Variants in ABCC1 observed in about 807,000 individuals in gnomAD.
The protein encoded by ABCC1 is ATP binding cassette subfamily C member 1 (ABCC1 blood group), also known as multidrug resistance-associated protein 1.
In ABCC1, 83 loss-of-function variants were observed where a neutral mutation model predicts 172.9. The observed-to-expected ratio is 0.48, with a 90% CI of 0.40 to 0.58. The LOEUF (loss-of-function observed/expected upper bound fraction) is 0.58, where lower values mean the gene tolerates loss of function less well. ABCC1 is among the 20% of genes least tolerant of loss of function. The pLI is 0.00. For missense variants in ABCC1, 1,817 were observed against 2,002.7 expected (o/e 0.91, Z 1.77); for synonymous variants, 937 against 825.2 (o/e 1.14, Z -2.32).
chr16:16,048,500 TC>T (rs1344038995), intron 10 of ABCC1, among the ~76,000 whole-genome samples, 197 bp downstream of exon 10: 1 of 152,168 alleles, frequency 6.6e-6, no homozygotes, highest in Non-Finnish European at 1.5e-5. Context: ...AGGTTGATGT[TC>T]TCCTTGGTGG....
At chr16:16,110,385 A>G (rs2052334944) in intron 21 of ABCC1, among the ~76,000 whole-genome samples, 1 of 148,166 alleles carries the variant, frequency 6.7e-6, no homozygotes, top group Non-Finnish European at 1.5e-5. Context: ...GATGCCCAGC[A>G]CTCTTTATTT....
intron 4 of ABCC1, among the ~76,000 whole-genome samples, chr16:16,015,038 C>T (rs1274496605): frequency 2.0e-5 from 3 of 151,880 alleles, no homozygotes; most frequent in East Asian, 3.9e-4. Flanking sequence ...CTTGTCCTCG[C>T]GTTACCTTTG....
At chr16:16,060,554 ACT>A (rs1567359746) in intron 12 of ABCC1, among the ~76,000 whole-genome samples, 1 of 151,472 alleles carries the variant, frequency 6.6e-6, no homozygotes, top group Non-Finnish European at 1.5e-5. Context: ...ACTGAGTCTC[ACT>A]CTGTCACCCA....
At position 16,141,689 on chromosome 16, in the gene ABCC1, C is replaced by G. The variant is rs2046131924; in HGVS notation, c.*408C>G. ...TGCCTCGGATCTCTCCAGCCGAAGT[C>G]TGTGGACTGCAAGTCTTTGAGATGC... is the stretch of plus-strand genomic sequence containing the variant. On this transcript the variant is annotated 3_prime_UTR_variant, in exon 31 of 31. Coordinates refer to ENST00000399410, the MANE Select transcript of ABCC1 (RefSeq NM_004996.4). 5.4e-6 allele frequency: 1 copy of G among 186,178 alleles called. No homozygotes were observed. The highest frequency in any genetic ancestry group is 2.3e-5 in the African/African-American group (1 of 42,584). 11.5% of individuals were successfully genotyped at this position (186,178 alleles called of 1,614,324 possible). A position where few individuals can be genotyped will look rare whatever the true frequency, so the allele number is the denominator to read the frequency against.
intron 5 of ABCC1, among the ~76,000 whole-genome samples, chr16:16,024,809 A>G (rs972282500): frequency 5.9e-5 from 9 of 152,122 alleles, no homozygotes. Context: ...GGCACTTAAA[A>G]AGCCTTTGCA....
intron 19 of ABCC1, chr16:16,098,753 C>T (rs1257352922): frequency 1.1e-6 from 1 of 883,048 alleles, no homozygotes; most frequent in Admixed American, 2.0e-5. Context: ...GACCCTTCAG[C>T]CATTCTTGCC....
At chr16:16,033,817 T>C (rs1247388203) in intron 6 of ABCC1, among the ~76,000 whole-genome samples, 1 of 151,748 alleles carries the variant, frequency 6.6e-6, no homozygotes. Flanking sequence ...AGAGACAGAG[T>C]TTTGCCATGT....
chr16:16,106,330 T>C (rs45569435), intron 20 of ABCC1, among the ~76,000 whole-genome samples: 7 of 151,468 alleles, frequency 4.6e-5, no homozygotes, highest in Admixed American at 1.3e-4. Context: ...ATCTTTTTCA[T>C]GTTTGAAAAA....
intron 16 of ABCC1, among the ~76,000 whole-genome samples, chr16:16,081,851 C>G (rs1197684128): frequency 6.6e-6 from 1 of 151,994 alleles, no homozygotes; most frequent in East Asian, 1.9e-4. Flanking sequence ...GAAACCCCGT[C>G]TCTACTGAAA....
intron 24 of ABCC1, among the ~76,000 whole-genome samples, chr16:16,124,460 G>C (rs570731557): frequency 6.7e-5 from 10 of 148,772 alleles, no homozygotes; most frequent in Non-Finnish European, 1.3e-4. Context: ...CGGCCTATGT[G>C]TATGTATTTT....
intron 28 of ABCC1, 66 bp downstream of exon 28, chr16:16,134,574 G>C: frequency 7.7e-6 from 12 of 1,566,666 alleles, no homozygotes; most frequent in Non-Finnish European, 1.0e-5. Flanking sequence ...CACTGACAGT[G>C]GTGTATGTAT....
chr16:16,124,325 GT>G, intron 24 of ABCC1, among the ~76,000 whole-genome samples: 1 of 77,866 alleles, frequency 1.3e-5, no homozygotes. Flanking sequence ...CTGTGTGTGT[GT>G]GTGTGTGTGT....
chr16:16,009,701 C>T lies in ABCC1; in HGVS notation c.226-75C>T, dbSNP rs557901296. ...CTGGCTGGTTCTCCTATCCCTGGGG[C>T]TGAGCTGTTCGTGCAGGCCCTGGGG... is the stretch of plus-strand genomic sequence containing the variant. On this transcript the variant is annotated intron_variant, in intron 2 of 30. Transcript: ENST00000399410. The T allele has an allele frequency of 5.0e-5, 72 of 1,450,732 alleles. No homozygotes were observed. In the African/African-American group the frequency reaches 8.4e-4, roughly 17 times the overall value. The allele number at this position is 1,450,732 out of a possible 1,614,324, so 89.9% of individuals were successfully genotyped here.
chr16:15,952,771 T>G (rs1345523972), intron 1 of ABCC1, among the ~76,000 whole-genome samples: 2 of 135,708 alleles, frequency 1.5e-5, no homozygotes, highest in East Asian at 4.7e-4. Flanking sequence ...GGCTCACGCC[T>G]GTAATCCCAG....
At chr16:16,096,064 C>A (rs915922985) in intron 19 of ABCC1, among the ~76,000 whole-genome samples, 4 of 152,002 alleles carry the variant, frequency 2.6e-5, no homozygotes, top group Middle Eastern at 3.2e-3. Context: ...GGCAGGAGTT[C>A]GAGACCAGCC....
intron 9 of ABCC1, among the ~76,000 whole-genome samples, chr16:16,046,895 G>A (rs2049233544): frequency 6.6e-6 from 1 of 152,076 alleles, no homozygotes; most frequent in South Asian, 2.1e-4. Flanking sequence ...ACTCACCTGG[G>A]GAGCTTAAAC....
intron 26 of ABCC1, among the ~76,000 whole-genome samples, chr16:16,127,654 G>T (rs142774202): frequency 7.2e-5 from 11 of 152,272 alleles, no homozygotes; most frequent in African/African-American, 2.6e-4. Context: ...CAGTGCCATG[G>T]GAGTCATGCT....
chr16:16,105,945 C>T (rs916962205), intron 20 of ABCC1, among the ~76,000 whole-genome samples: 25 of 149,748 alleles, frequency 1.7e-4, no homozygotes, highest in South Asian at 4.2e-4. Context: ...GGTGCAATCA[C>T]GGCTCACTGC....
At chr16:16,128,016 G>C (rs560703796) in intron 26 of ABCC1, among the ~76,000 whole-genome samples, 165 of 150,938 alleles carry the variant, frequency 1.1e-3, no homozygotes, top group African/African-American at 3.8e-3. Context: ...CACCTCCTGG[G>C]TTCAAGTGAT....
Sources: allele counts gnomAD v4.1 joint callset (sites outside exome capture counted in the v4.1 genomes callset), GRCh38; gene constraint gnomAD v4.1.1; transcripts MANE v1.5; gene names NCBI Gene and HGNC (gene_info 2026-07-23, HGNC 2026-07-21).